CDH17: variants seen among roughly 807,000 people sequenced by gnomAD.
CDH17 encodes cadherin-17.
CDH17 carries 67 observed loss-of-function variants against 86.3 expected under a neutral mutation model. That is an observed-to-expected ratio of 0.78 (90% CI 0.64 to 0.95). CDH17 has a LOEUF of 0.95. Ranked by LOEUF, CDH17 falls within the 40% of genes least tolerant of loss-of-function variation. The pLI is 0.00. For missense variants in CDH17, 993 were observed against 1,017.6 expected, an observed-to-expected ratio of 0.98 and a Z score of 0.33; for synonymous variants, 367 against 366.4, an observed-to-expected ratio of 1.00 and a Z score of -0.02.
intron 14 of CDH17, among the ~76,000 whole-genome samples, chr8:94,146,403 G>T (rs1020548238): frequency 1.3e-5 from 2 of 152,202 alleles, no homozygotes; most frequent in Non-Finnish European, 2.9e-5. Flanking sequence ...AAATAATTGT[G>T]AAAACTGAGC....
At chr8:94,167,991 T>C (rs1438995916) in intron 9 of CDH17, among the ~76,000 whole-genome samples, 2 of 150,150 alleles carry the variant, frequency 1.3e-5, no homozygotes, top group Admixed American at 1.3e-4. Flanking sequence ...TATGAATACA[T>C]AAGACTTGGT....
intron 2 of CDH17, among the ~76,000 whole-genome samples, chr8:94,191,743 C>A (rs1462333416): frequency 6.6e-6 from 1 of 152,218 alleles, no homozygotes; most frequent in Non-Finnish European, 1.5e-5. Flanking sequence ...CATGAGCAAC[C>A]ATGCCCGGCC....
chr8:94,163,464 C>G (rs529058781), intron 10 of CDH17, among the ~76,000 whole-genome samples: 56 of 152,348 alleles, frequency 3.7e-4, no homozygotes, highest in African/African-American at 1.3e-3. Context: ...GGGTGTCACG[C>G]CCCCGTTGCC....
chr8:94,168,140 ATATATATATATATATATT>A (rs1813198553), intron 9 of CDH17, among the ~76,000 whole-genome samples: 4 of 50,652 alleles, frequency 7.9e-5, no homozygotes, highest in African/African-American at 2.0e-4. Context: ...ATATATATAT[ATATATATATATATATATT>A]TGTGTGTGTG....
chr8:94,202,227 T>TGC (rs1586028953), intron 1 of CDH17: 1 of 152,080 alleles, frequency 6.6e-6, no homozygotes, highest in East Asian at 1.9e-4. Context: ...TGGAGTGCAA[T>TGC]GACGCCATCT....
rs901266511 is a variant in CDH17, at chr8:94,146,173, G to T, written c.1928-6C>A. The stretch of plus-strand genomic sequence containing the variant: ...AGAGCTCAAGGAAGACCCCCCTAAG[G>T]AATTGAATGATTGAAACATGGGATC... On this transcript the variant is annotated splice_region_variant and splice_polypyrimidine_tract_variant and intron_variant, in intron 14 of 17. Transcript: ENST00000027335. 6.7e-7 allele frequency: 1 copy of T among 1,487,452 alleles called. No homozygotes were observed. Among genetic ancestry groups the T allele is most frequent in the Non-Finnish European group, 8.9e-7 (1 of 1,118,608 alleles). 92.1% of individuals were successfully genotyped at this position (1,487,452 alleles called of 1,614,324 possible).
rs372503230 is a variant in CDH17 at position 94,207,727 on chromosome 8, G to A, written c.-21+756C>T. 5.8e-4 allele frequency among the ~76,000 whole-genome samples: 88 copies of A among 152,234 alleles called. 3 individuals are homozygous for A. The South Asian group carries it at 0.016, about 28-fold the overall frequency. On this transcript the variant is annotated intron_variant, in intron 1 of 17. Coordinates refer to ENST00000027335, the MANE Select transcript of CDH17 (RefSeq NM_004063.4). ...TGCTTGGCATCCCCTACCACAGAGGGCATCTGTCCCTATAAAGTCACCTGT... is the reference window on the plus strand; with the variant it reads ...TGCTTGGCATCCCCTACCACAGAGGACATCTGTCCCTATAAAGTCACCTGT...
chr8:94,160,585 A>G (rs1813033442), intron 11 of CDH17, among the ~76,000 whole-genome samples: 1 of 152,210 alleles, frequency 6.6e-6, no homozygotes, highest in Admixed American at 6.5e-5. Flanking sequence ...TTGGAGTTAA[A>G]CAGCCTGAAT....
At chr8:94,129,020 G>GTTTAT in intron 17 of CDH17, among the ~76,000 whole-genome samples, 1 of 152,280 alleles carries the variant, frequency 6.6e-6, no homozygotes, top group South Asian at 2.1e-4. Flanking sequence ...AAGTTTATAG[G>GTTTAT]AGGAATCATG....
At chr8:94,171,073 A>C in intron 7 of CDH17, 88 bp from the exon 8 acceptor site, 2 of 1,336,686 alleles carry the variant, frequency 1.5e-6, no homozygotes, top group Non-Finnish European at 2.0e-6. Context: ...TCAATTTGAA[A>C]TCTCTGACAA....
intron 15 of CDH17, among the ~76,000 whole-genome samples, chr8:94,137,701 TA>T (rs34790698): frequency 0.39 from 58,730 of 151,458 alleles, 11,757 homozygotes; most frequent in South Asian, 0.54. Flanking sequence ...CTGCAAAAAG[TA>T]AAAAAAAACC....
chr8:94,173,817 G>A lies in CDH17; in HGVS notation c.763C>T (p.His255Tyr). Residue 255 changes from histidine (H) to tyrosine (Y), a missense_variant, in exon 7 of 18, where the codon CAC becomes TAC. Transcript: ENST00000027335. Reference protein sequence around the residue: ...VEMVENSTDPHPIKITQVRWN... With the variant: ...VEMVENSTDPYPIKITQVRWN... Reference sequence around the variant, plus strand: ...ACTACCTGAGTGATTTTGATGGGGTGAGGATCAGTTGAGTTTTCCACCATC... The same window carrying A: ...ACTACCTGAGTGATTTTGATGGGGTAAGGATCAGTTGAGTTTTCCACCATC... The A allele has an allele frequency of 6.2e-7, 1 of 1,613,740 alleles. No homozygotes were observed. The highest frequency in any genetic ancestry group is 1.7e-4 in the Middle Eastern group (1 of 6,034).
chr8:94,200,537 G>GTTTTTTTTTTTTTTTTTTT (rs10600702), intron 1 of CDH17, among the ~76,000 whole-genome samples: 1 of 56,940 alleles, frequency 1.8e-5, no homozygotes, highest in Non-Finnish European at 2.9e-5. Context: ...ATTATCTTTT[G>GTTTTTTTTTTTTTTTTTTT]TTTTTTTTTT....
At chr8:94,206,378 T>G (rs772010773) in intron 1 of CDH17, among the ~76,000 whole-genome samples, 1 of 152,196 alleles carries the variant, frequency 6.6e-6, no homozygotes, top group Non-Finnish European at 1.5e-5. Flanking sequence ...ACTAGCCCCA[T>G]TCTAAATCTG....
chr8:94,129,705 T>C (rs966996529), intron 17 of CDH17, among the ~76,000 whole-genome samples: 2 of 152,180 alleles, frequency 1.3e-5, no homozygotes, highest in African/African-American at 4.8e-5. Flanking sequence ...TTGAGTATCC[T>C]TAATCTGAAA....
At chr8:94,209,759 T>C (rs1586036197), upstream of CDH17, among the ~76,000 whole-genome samples, 3 of 152,316 alleles carry the variant, frequency 2.0e-5, no homozygotes, top group Admixed American at 2.0e-4. Flanking sequence ...TCCCATTAGC[T>C]GAATAAAGTG....
intron 9 of CDH17, among the ~76,000 whole-genome samples, chr8:94,168,933 TC>T (rs1457996352): frequency 6.6e-6 from 1 of 152,154 alleles, no homozygotes; most frequent in Non-Finnish European, 1.5e-5. Context: ...TCTGCCGTAC[TC>T]TTTCCCTCTC....
intron 7 of CDH17, among the ~76,000 whole-genome samples, chr8:94,171,747 C>T (rs912857799): frequency 7.2e-5 from 11 of 152,118 alleles, no homozygotes; most frequent in Admixed American, 6.5e-4. Flanking sequence ...AATGAAGAAA[C>T]TAGGGCACAA....
chr8:94,159,184 G>T (rs1477453007), intron 12 of CDH17, among the ~76,000 whole-genome samples: 3 of 152,074 alleles, frequency 2.0e-5, no homozygotes, highest in Non-Finnish European at 4.4e-5. Flanking sequence ...TCAAGATTCA[G>T]GTATACATGG....
Sources: allele counts gnomAD v4.1 joint callset (sites outside exome capture counted in the v4.1 genomes callset), GRCh38; gene constraint gnomAD v4.1.1; transcripts MANE v1.5; gene names NCBI Gene and HGNC (gene_info 2026-07-23, HGNC 2026-07-21).